The following ATCAY variants were observed in gnomAD, a reference collection of about 807,000 sequenced individuals.
ATCAY encodes caytaxin.
ATCAY carries 22 observed loss-of-function variants against 47.7 expected under a neutral mutation model. The ratio of observed to expected loss-of-function variants is 0.46; its 90% confidence interval spans 0.33 to 0.66. The LOEUF is 0.66. ATCAY is among the 30% of genes least tolerant of loss of function. The pLI, the probability that ATCAY is intolerant of heterozygous loss-of-function variation, is 0.02. For synonymous variants in ATCAY, 216 were observed against 207.6 expected (o/e 1.04, Z -0.35); for missense variants, 452 against 515.0 (o/e 0.88, Z 1.18).
At chr19:3,898,774 C>G (rs2038790195) in intron 2 of ATCAY, among the ~76,000 whole-genome samples, 1 of 152,094 alleles carries the variant, frequency 6.6e-6, no homozygotes, top group Non-Finnish European at 1.5e-5. Context: ...TTCCACCTCC[C>G]AGGTTCAAGT....
intron 2 of ATCAY, among the ~76,000 whole-genome samples, chr19:3,888,527 G>A (rs1347265400): frequency 6.6e-6 from 1 of 152,024 alleles, no homozygotes; most frequent in Non-Finnish European, 1.5e-5. Context: ...CTACTCAGGA[G>A]GCTGAGGCAG....
rs765538404 is a variant in ATCAY, at chr19:3,905,536, T to C, written c.239T>C (p.Leu80Pro). The change falls in exon 4 of 13, where the codon CTG becomes CCG. Residue 80 changes from leucine to proline, a missense_variant. Physicochemically the swap from Leu to Pro is moderately conservative, Grantham distance 98 (BLOSUM62 -3). Transcript: ENST00000450849. Reference sequence around the variant, plus strand: ...CTGGATCAGAGTGAGGGGTCCCTGCTGTCCGATGACTTCTTGGATACCCCT... The same window carrying C: ...CTGGATCAGAGTGAGGGGTCCCTGCCGTCCGATGACTTCTTGGATACCCCT... ...ISLDQSEGSL[L>P]SDDFLDTPDD... The C allele has an allele frequency of 6.2e-6, 10 of 1,614,000 alleles. No individual in the cohort carries two copies. The East Asian group carries it at 1.6e-4, about 25-fold the overall frequency.
rs992459328 is a variant in ATCAY at position 3,927,372 on chromosome 19, A to T, written c.*2780A>T. ...TGAATCGTTCTAACCCAACAGTGAC[A>T]AGAACTGCTGGGCCTTAACCGTCAT... On this transcript the variant is annotated 3_prime_UTR_variant, in exon 13 of 13. Coordinates refer to ENST00000450849, the MANE Select transcript of ATCAY (RefSeq NM_033064.5). 6.6e-6 allele frequency: 1 copy of T among 152,214 alleles called. No homozygotes were observed. The highest frequency in any genetic ancestry group is 1.5e-5 in the Non-Finnish European group (1 of 68,050). The allele number at this position is 152,214 out of a possible 1,614,324, so 9.4% of individuals were successfully genotyped here.
chr19:3,913,948 T>G (rs2038944059), intron 9 of ATCAY, 92 bp downstream of exon 9: 8 of 1,204,302 alleles, frequency 6.6e-6, no homozygotes, highest in African/African-American at 1.5e-5. Flanking sequence ...ACAAAAGAGG[T>G]TTAAGGGGCC....
rs762664911 is a variant in ATCAY, at chr19:3,909,610, G to A, written c.772G>A (p.Asp258Asn). The change falls in exon 7 of 13, where the codon GAC becomes AAC. Residue 258 changes from aspartate to asparagine, a missense_variant. By Grantham distance (23) the Asp-to-Asn change is conservative. Transcript: ENST00000450849. The stretch of plus-strand genomic sequence containing the variant: ...GCTGAAGAAGTGCTACCAGATGATC[G>A]ACCGGAGGTGAGGTGGGGATGCCTC... ...GWLKKCYQMI[D>N]RRLRKNLKSL... 8 of 1,590,422 alleles carry A rather than the reference G, an allele frequency of 5.0e-6. No homozygotes were observed. Among genetic ancestry groups the A allele is most frequent in the Admixed American group, 1.8e-5 (1 of 55,588 alleles).
intron 12 of ATCAY, among the ~76,000 whole-genome samples, chr19:3,921,253 G>C (rs192712101): frequency 5.3e-5 from 8 of 151,812 alleles, no homozygotes; most frequent in Admixed American, 6.6e-5. Flanking sequence ...TCTCACGCCT[G>C]TAATCCCAGC....
intron 2 of ATCAY, among the ~76,000 whole-genome samples, chr19:3,895,350 G>A (rs1207070791): frequency 6.6e-6 from 1 of 152,142 alleles, no homozygotes; most frequent in Non-Finnish European, 1.5e-5. Flanking sequence ...GAGTAGCTGG[G>A]GTTACAGGCA....
In ATCAY at chr19:3,901,894, G is replaced by A. The variant is rs185689127; in HGVS notation, c.78-593G>A. Among the ~76,000 whole-genome samples, 510 of 152,238 alleles carry A rather than the reference G, an allele frequency of 3.4e-3. 3 individuals are homozygous for A. The highest frequency in any genetic ancestry group is 4.4e-3 in the Non-Finnish European group (300 of 68,032). ...CCTGTAGTCCCAGTTTACTTAGGAG[G>A]CTGAGGCAGAAGAATGGCCTGAACC... On this transcript the variant is annotated intron_variant, in intron 2 of 12. Transcript: ENST00000450849.
In ATCAY at chr19:3,885,841, C is replaced by T; in HGVS notation, c.74C>T (p.Pro25Leu). 1.3e-6 allele frequency: 2 copies of T among 1,551,932 alleles called. No homozygotes were observed. The highest frequency in any genetic ancestry group is 1.7e-6 in the Non-Finnish European group (2 of 1,147,634). Residue 25 changes from proline (P) to leucine (L), a missense_variant, in exon 2 of 13, where the codon CCC becomes CTC. Physicochemically the swap from Pro to Leu is moderately conservative, Grantham distance 98. Transcript: ENST00000450849. Reference protein sequence around the residue: ...VKEEWQDEDLPRPLPEETGVE... With the variant: ...VKEEWQDEDLLRPLPEETGVE... ...GAGGAATGGCAGGACGAAGATCTTC[C>T]CAGGTAGGACTTCCACATCCCTGAG...
intron 2 of ATCAY, among the ~76,000 whole-genome samples, chr19:3,893,411 C>T (rs1274444067): frequency 6.6e-6 from 1 of 152,086 alleles, no homozygotes; most frequent in African/African-American, 2.4e-5. Flanking sequence ...ATCGCTTGAC[C>T]TTATGATCCA....
At chr19:3,906,474 T>C (rs1389809722) in intron 4 of ATCAY, among the ~76,000 whole-genome samples, 1 of 151,714 alleles carries the variant, frequency 6.6e-6, no homozygotes, top group Non-Finnish European at 1.5e-5. Context: ...GGCTGATGTT[T>C]ATATTTTTAG....
intron 2 of ATCAY, among the ~76,000 whole-genome samples, chr19:3,886,607 T>A (rs2038658875): frequency 1.4e-5 from 2 of 143,622 alleles, no homozygotes; most frequent in East Asian, 4.3e-4. Flanking sequence ...AAAAAAAAAA[T>A]TAGCTGGGTA....
chr19:3,883,096 TAGTGGCCCGG>T (rs2038616421), intron 1 of ATCAY, among the ~76,000 whole-genome samples: 1 of 152,030 alleles, frequency 6.6e-6, no homozygotes, highest in African/African-American at 2.4e-5. Context: ...AAAGTGGATC[TAGTGGCCCGG>T]CAGGGTGGCT....
chr19:3,922,368 T>C, intron 12 of ATCAY: 1 of 618,120 alleles, frequency 1.6e-6, no homozygotes, highest in Non-Finnish European at 2.9e-6. Context: ...AAGCCACCTC[T>C]TCACCAGGCA....
chr19:3,919,169 T>C (rs571909401), intron 11 of ATCAY, among the ~76,000 whole-genome samples: 1 of 151,398 alleles, frequency 6.6e-6, no homozygotes, highest in Non-Finnish European at 1.5e-5. Context: ...TCCCAGCTAC[T>C]TGGGAGGCCG....
rs139544947 is a variant in ATCAY at position 3,923,582 on chromosome 19, G to A, written c.1107-1001G>A. The stretch of plus-strand genomic sequence containing the variant: ...GATAAATGGATGGATGGATGGATGG[G>A]TGAAGGTTGACTGTGTGGATGGATG... On this transcript the variant is annotated intron_variant, in intron 12 of 12. Coordinates refer to ENST00000450849, the MANE Select transcript of ATCAY (RefSeq NM_033064.5). Among the ~76,000 whole-genome samples, 5 of 150,270 alleles carry A rather than the reference G, an allele frequency of 3.3e-5. No homozygotes were observed. The East Asian group carries it at 1.0e-3, about 30-fold the overall frequency.
chr19:3,923,836 GTGGA>G (rs533757647), intron 12 of ATCAY, among the ~76,000 whole-genome samples: 55 of 135,820 alleles, frequency 4.0e-4, no homozygotes, highest in South Asian at 7.8e-4. Flanking sequence ...GGGTGGGTGG[GTGGA>G]TGGATGGATG....
At chr19:3,895,575 A>C (rs1043405784) in intron 2 of ATCAY, among the ~76,000 whole-genome samples, 4 of 152,002 alleles carry the variant, frequency 2.6e-5, no homozygotes, top group Non-Finnish European at 5.9e-5. Flanking sequence ...CCAGACTCGT[A>C]GCGCTGGATG....
chr19:3,900,207 T>A (rs546589707), intron 2 of ATCAY, among the ~76,000 whole-genome samples: 171 of 150,112 alleles, frequency 1.1e-3, no homozygotes, highest in African/African-American at 4.1e-3. Flanking sequence ...TTTTTTTTTT[T>A]AAGAGACAGG....
Sources: allele counts gnomAD v4.1 joint callset (sites outside exome capture counted in the v4.1 genomes callset), GRCh38; gene constraint gnomAD v4.1.1; transcripts MANE v1.5; gene names NCBI Gene and HGNC (gene_info 2026-07-23, HGNC 2026-07-21).